KLF8: variants seen among roughly 807,000 people sequenced by gnomAD.
KLF8 encodes KLF transcription factor 8.
In KLF8, 10 loss-of-function variants were observed where a neutral mutation model predicts 18.2. That is an observed-to-expected ratio of 0.55 (90% CI 0.34 to 0.93). KLF8 has a LOEUF of 0.93. Among genes scored for constraint, KLF8 ranks in the 40% least tolerant of loss-of-function variants. The pLI is 0.02. For missense variants in KLF8, 264 were observed against 277.9 expected (o/e 0.95, Z 0.36); for synonymous variants, 109 against 97.3 (o/e 1.12, Z -0.71).
the KLF8 span, among the ~76,000 whole-genome samples, chrX:55,992,529 G>A: frequency 1.8e-5 from 2 of 111,803 alleles, no homozygotes; most frequent in Admixed American, 9.5e-5. Context: ...GTCAGGTAGA[G>A]TGGTGCCTCT....
chrX:56,144,597 C>G, the KLF8 span, among the ~76,000 whole-genome samples: 4 of 106,210 alleles, frequency 3.8e-5, no homozygotes, highest in Non-Finnish European at 5.8e-5. Context: ...AAAATACAAA[C>G]AAAAACTTAG....
the KLF8 span, among the ~76,000 whole-genome samples, chrX:56,082,644 C>A: frequency 9.0e-6 from 1 of 110,747 alleles, no homozygotes. Context: ...AAGCTCCATT[C>A]TGTTTTGCTT....
chrX:55,962,383 C>G, the KLF8 span: 1 of 221,272 alleles, frequency 4.5e-6, no homozygotes, highest in Non-Finnish European at 8.5e-6. Context: ...CCAATGAGTT[C>G]TCCATCTACA....
chrX:56,181,557 A>C, the KLF8 span, among the ~76,000 whole-genome samples: 2 of 111,767 alleles, frequency 1.8e-5, no homozygotes, highest in Non-Finnish European at 3.8e-5. Flanking sequence ...TCTTCCTAGC[A>C]TCAGTGGTCT....
the KLF8 span, among the ~76,000 whole-genome samples, chrX:56,078,411 TG>T: frequency 8.9e-6 from 1 of 112,463 alleles, no homozygotes; most frequent in Non-Finnish European, 1.9e-5. Flanking sequence ...ATGTGGTTTT[TG>T]TCTCTGGTTC....
At chrX:56,070,428 GAA>G in the KLF8 span, among the ~76,000 whole-genome samples, 1 of 108,957 alleles carries the variant, frequency 9.2e-6, no homozygotes, top group African/African-American at 3.4e-5. Flanking sequence ...CTTAAAAAAA[GAA>G]AAAGAGAGAG....
the KLF8 span, among the ~76,000 whole-genome samples, chrX:56,121,003 A>G: frequency 9.1e-6 from 1 of 109,989 alleles, no homozygotes; most frequent in Non-Finnish European, 1.9e-5. Context: ...TGGCTAACAC[A>G]GTGAAACCCC....
the KLF8 span, among the ~76,000 whole-genome samples, chrX:56,064,110 C>G: frequency 3.2e-5 from 3 of 94,719 alleles, no homozygotes; most frequent in African/African-American, 9.5e-5. Flanking sequence ...TACATATATA[C>G]GTATGTGTGT....
chrX:56,086,706 G>T, the KLF8 span, among the ~76,000 whole-genome samples: 6 of 111,074 alleles, frequency 5.4e-5, no homozygotes, highest in African/African-American at 1.6e-4. Flanking sequence ...AGTAGTAGTA[G>T]TAGTAGTAGT....
chrX:56,041,537 CTCTA>C, the KLF8 span, among the ~76,000 whole-genome samples: 8 of 104,649 alleles, frequency 7.6e-5, no homozygotes, highest in African/African-American at 2.4e-4. Flanking sequence ...TTTTTCATGT[CTCTA>C]TCTCCTTCAG....
chrX:55,937,257 C>A, the KLF8 span, among the ~76,000 whole-genome samples: 2 of 111,975 alleles, frequency 1.8e-5, no homozygotes, highest in Non-Finnish European at 3.8e-5. Flanking sequence ...GATACCCAGG[C>A]AAACAGGGTC....
the KLF8 span, among the ~76,000 whole-genome samples, chrX:56,074,958 T>G: frequency 9.0e-5 from 10 of 111,315 alleles, no homozygotes; most frequent in African/African-American, 2.9e-4. Context: ...TTTTTATAAT[T>G]TTTAATTTTT....
At chrX:56,028,650 C>T in the KLF8 span, among the ~76,000 whole-genome samples, 16 of 111,568 alleles carry the variant, frequency 1.4e-4, no homozygotes, top group African/African-American at 2.6e-4. Context: ...CTCGAGCCAA[C>T]GCCTCCCTGA....
the KLF8 span, among the ~76,000 whole-genome samples, chrX:56,188,038 C>A: frequency 1.0e-4 from 11 of 110,118 alleles, no homozygotes; most frequent in Admixed American, 2.9e-4. Context: ...ATTAGGCAGG[C>A]GAAGGAAATA....
the KLF8 span, among the ~76,000 whole-genome samples, chrX:55,925,786 G>T: frequency 9.0e-6 from 1 of 111,567 alleles, no homozygotes; most frequent in Non-Finnish European, 1.9e-5. Flanking sequence ...TTTTTGTGGG[G>T]ATAAGGGATG....
chrX:55,989,846 G>A, the KLF8 span, among the ~76,000 whole-genome samples: 1 of 111,152 alleles, frequency 9.0e-6, no homozygotes, highest in Non-Finnish European at 1.9e-5. Context: ...ACTCTTTTTG[G>A]TTGGTAAGCT....
At chrX:56,053,239 C>A in the KLF8 span, among the ~76,000 whole-genome samples, 3 of 112,307 alleles carry the variant, frequency 2.7e-5, no homozygotes, top group African/African-American at 9.7e-5. Flanking sequence ...GCGTCGCTCA[C>A]GCTGGGAGCT....
At chrX:56,155,612 A>C in the KLF8 span, among the ~76,000 whole-genome samples, 2 of 111,856 alleles carry the variant, frequency 1.8e-5, no homozygotes, top group African/African-American at 3.2e-5. Context: ...AATAAAAATA[A>C]AATTAAAAAA....
the KLF8 span, among the ~76,000 whole-genome samples, chrX:56,135,138 T>G: frequency 9.0e-6 from 1 of 111,455 alleles, no homozygotes. Context: ...TGGAAGTCAG[T>G]GAGGTGATTC....
Sources: allele counts gnomAD v4.1 joint callset (sites outside exome capture counted in the v4.1 genomes callset), GRCh38; gene constraint gnomAD v4.1.1; transcripts MANE v1.5; gene names NCBI Gene and HGNC (gene_info 2026-07-23, HGNC 2026-07-21).